The following PTPN21 variants were observed in gnomAD, a reference collection of about 807,000 sequenced individuals.
PTPN21 encodes the protein protein tyrosine phosphatase non-receptor type 21.
A neutral mutation model predicts 131.8 loss-of-function variants in PTPN21; 77 were observed. The ratio of observed to expected loss-of-function variants is 0.58; its 90% CI spans 0.49 to 0.71. PTPN21 has a LOEUF of 0.71. PTPN21 is among the 30% of genes least tolerant of loss of function. The probability of loss-of-function intolerance (pLI) is 0.00; values close to 1 mark genes in which losing one functional copy is unlikely to be tolerated. For missense variants in PTPN21, 1,552 were observed against 1,527.1 expected, an observed-to-expected ratio of 1.02 and a Z score of -0.27; for synonymous variants, 715 against 621.3, an observed-to-expected ratio of 1.15 and a Z score of -2.24.
chr14:88,533,782 G>T (rs2078587140), intron 2 of PTPN21, among the ~76,000 whole-genome samples: 1 of 151,952 alleles, frequency 6.6e-6, no homozygotes. Flanking sequence ...GAGGCAGGAG[G>T]ATTGCTTGAG....
At chr14:88,549,592 G>A (rs144250264) in intron 2 of PTPN21, among the ~76,000 whole-genome samples, 3 of 151,628 alleles carry the variant, frequency 2.0e-5, no homozygotes, top group East Asian at 3.9e-4. Flanking sequence ...GAAGCCTGTC[G>A]TGTTTTTTTT....
intron 10 of PTPN21, among the ~76,000 whole-genome samples, chr14:88,491,450 C>G (rs1449837982): frequency 2.0e-5 from 3 of 152,196 alleles, no homozygotes; most frequent in Non-Finnish European, 4.4e-5. Flanking sequence ...CGTCCAGTTC[C>G]AGGCCAGGGG....
At chr14:88,504,567 C>T in intron 5 of PTPN21, 72 bp from the exon 6 acceptor site, 1 of 1,246,004 alleles carries the variant, frequency 8.0e-7, no homozygotes. Flanking sequence ...TGGCCATTGA[C>T]TGTTAATGAC....
At chr14:88,543,164 A>G (rs576586668) in intron 2 of PTPN21, among the ~76,000 whole-genome samples, 4 of 152,328 alleles carry the variant, frequency 2.6e-5, no homozygotes, top group Admixed American at 2.6e-4. Context: ...AACACTTTCT[A>G]AAGTTGTGCT....
At chr14:88,528,664 G>T (rs1203099025) in intron 2 of PTPN21, among the ~76,000 whole-genome samples, 7 of 152,106 alleles carry the variant, frequency 4.6e-5, no homozygotes, top group African/African-American at 1.7e-4. Flanking sequence ...TTTAAAAATG[G>T]GAGTTTCCCT....
chr14:88,486,620 G>A (rs1267730498), intron 10 of PTPN21, among the ~76,000 whole-genome samples: 2 of 152,122 alleles, frequency 1.3e-5, no homozygotes, highest in Non-Finnish European at 2.9e-5. Context: ...TCAGTGAGCC[G>A]ATGGTAAACC....
intron 10 of PTPN21, among the ~76,000 whole-genome samples, chr14:88,494,615 T>C (rs1235058949): frequency 6.6e-6 from 1 of 151,916 alleles, no homozygotes. Context: ...CTGTGAGCCA[T>C]GATCATGCCA....
Position 88,492,949 on chromosome 14 carries a change from T to C in PTPN21, c.932+3464A>G. 4 of 377,608 alleles carry C rather than the reference T, an allele frequency of 1.1e-5. 1 individual carries two copies. Among genetic ancestry groups the C allele is most frequent in the South Asian group, 7.9e-5 (4 of 50,644 alleles). The allele number at this position is 377,608 out of a possible 1,614,324, so 23.4% of individuals were successfully genotyped here. ...AGCTTCATCAAACAAGAGAGACAGA[T>C]CAAATGAAAATGATCTGTCAGTTGA... On this transcript the variant is annotated intron_variant, in intron 10 of 18. Transcript: ENST00000556564.
chr14:88,495,043 G>C (rs1267908680), intron 10 of PTPN21, among the ~76,000 whole-genome samples: 14 of 111,692 alleles, frequency 1.3e-4, no homozygotes, highest in Admixed American at 8.3e-4. Flanking sequence ...AAAAAAAGAA[G>C]AGTGTCAGTG....
At chr14:88,541,717 A>G (rs539678045) in intron 2 of PTPN21, among the ~76,000 whole-genome samples, 26 of 152,354 alleles carry the variant, frequency 1.7e-4, no homozygotes, top group Non-Finnish European at 3.2e-4. Flanking sequence ...GATGAAGGCC[A>G]AAGAAAAAAA....
intron 2 of PTPN21, among the ~76,000 whole-genome samples, chr14:88,518,195 T>C (rs1432738457): frequency 3.3e-5 from 3 of 91,570 alleles, no homozygotes; most frequent in Non-Finnish European, 5.8e-5. Context: ...GGCAACAGAG[T>C]GAGCCTGGGC....
chr14:88,491,067 C>T (rs2077816256), intron 10 of PTPN21, among the ~76,000 whole-genome samples: 1 of 152,116 alleles, frequency 6.6e-6, no homozygotes, highest in South Asian at 2.1e-4. Context: ...TCATTTAATT[C>T]CCAATTCAAC....
At position 88,469,665 on chromosome 14, in the gene PTPN21, A is replaced by G. The variant is rs755978194; in HGVS notation, c.3069T>C (p.Tyr1023=). Residue 1023 remains tyrosine, a synonymous_variant, in exon 17 of 19, where the codon TAT becomes TAC. Transcript: ENST00000556564. The surrounding 1 kb of genome is among the most constrained non-coding windows in gnomAD (Gnocchi z 4.3). ...RLGSRHNTVT[Y]GRFKITTRFR... ...ACCGGGTCGTGATCTTAAACCTTCCATAGGTGACAGTGTTGTGCCTGGAAC... is the reference window on the plus strand; with the variant it reads ...ACCGGGTCGTGATCTTAAACCTTCCGTAGGTGACAGTGTTGTGCCTGGAAC... 1 of 1,614,138 alleles carries G rather than the reference A, an allele frequency of 6.2e-7. No homozygotes were observed. The highest frequency in any genetic ancestry group is 1.1e-5 in the South Asian group (1 of 91,080).
intron 14 of PTPN21, among the ~76,000 whole-genome samples, chr14:88,473,460 A>AC: frequency 6.6e-6 from 1 of 152,178 alleles, no homozygotes. Context: ...AAACAAACAA[A>AC]AAATCAGCAT....
chr14:88,508,541 T>A, intron 3 of PTPN21, among the ~76,000 whole-genome samples: 1 of 152,304 alleles, frequency 6.6e-6, no homozygotes, highest in Middle Eastern at 3.4e-3. Context: ...TCCCAGATTA[T>A]AGTTATTTCA....
intron 2 of PTPN21, among the ~76,000 whole-genome samples, chr14:88,519,363 C>A (rs901994836): frequency 1.3e-5 from 2 of 152,168 alleles, no homozygotes; most frequent in Non-Finnish European, 2.9e-5. Context: ...TCCAATAAAG[C>A]AGCCACTAGC....
At chr14:88,516,415 C>T (rs1002837504) in intron 3 of PTPN21, among the ~76,000 whole-genome samples, 2 of 152,010 alleles carry the variant, frequency 1.3e-5, no homozygotes, top group African/African-American at 4.8e-5. Flanking sequence ...TCAAAAGTAA[C>T]ATTAAATAGG....
rs954892592 is a variant in PTPN21, at chr14:88,467,979, C to T, written c.*158G>A. ...ACCCCTCTTCAGCCTGTGCTTCGCACGTTTCCTTCAGCGTGCCGCCATTCA... is the reference window on the plus strand; with the variant it reads ...ACCCCTCTTCAGCCTGTGCTTCGCATGTTTCCTTCAGCGTGCCGCCATTCA... On this transcript the variant is annotated 3_prime_UTR_variant, in exon 19 of 19. Transcript: ENST00000556564. The T allele has an allele frequency of 1.1e-4, 106 of 957,410 alleles. 1 individual carries two copies. In the Admixed American group the frequency reaches 1.1e-3, roughly 10 times the overall value. The allele number at this position is 957,410 out of a possible 1,614,324, so 59.3% of individuals were successfully genotyped here.
intron 5 of PTPN21, 85 bp downstream of exon 5, chr14:88,505,219 T>C (rs2078069468): frequency 2.7e-6 from 3 of 1,103,240 alleles, no homozygotes; most frequent in Non-Finnish European, 4.0e-6. Flanking sequence ...AGTAAGTCTA[T>C]CATACGGATT....
Sources: allele counts gnomAD v4.1 joint callset (sites outside exome capture counted in the v4.1 genomes callset), GRCh38; gene constraint gnomAD v4.1.1; non-coding constraint Gnocchi (gnomAD v3.1); transcripts MANE v1.5; gene names NCBI Gene and HGNC (gene_info 2026-07-23, HGNC 2026-07-21).